ADGRB3: variants seen among roughly 807,000 people sequenced by gnomAD.
ADGRB3 encodes adhesion G protein-coupled receptor B3, also known as brain-specific angiogenesis inhibitor 3.
Under a neutral mutation model 193.4 loss-of-function variants are expected in ADGRB3, and 37 were observed. That is an observed-to-expected ratio of 0.19 (90% confidence interval 0.15 to 0.25). The LOEUF (loss-of-function observed/expected upper bound fraction) is 0.25. Ranked by LOEUF, ADGRB3 falls within the 10% of genes least tolerant of loss-of-function variation. The probability of loss-of-function intolerance (pLI) is 1.00; values close to 1 mark genes in which losing one functional copy is unlikely to be tolerated. For missense variants in ADGRB3, 1,637 were observed against 1,852.9 expected, an observed-to-expected ratio of 0.88 and a Z score of 2.14; for synonymous variants, 690 against 644.2, an observed-to-expected ratio of 1.07 and a Z score of -1.08.
At chr6:68,794,856 T>G (rs1378166402) in intron 3 of ADGRB3, among the ~76,000 whole-genome samples, 3 of 152,118 alleles carry the variant, frequency 2.0e-5, no homozygotes. Context: ...AGTTTAAAAG[T>G]TTCAGTACCA....
chr6:68,926,703 G>T (rs1325962993), intron 3 of ADGRB3, among the ~76,000 whole-genome samples: 1 of 152,090 alleles, frequency 6.6e-6, no homozygotes, highest in Non-Finnish European at 1.5e-5. Context: ...GTGCTTGTCT[G>T]TATGTTTAAA....
At chr6:69,194,798 T>C (rs1765264215) in intron 17 of ADGRB3, among the ~76,000 whole-genome samples, 2 of 152,066 alleles carry the variant, frequency 1.3e-5, no homozygotes, top group Admixed American at 6.6e-5. Flanking sequence ...GTGAACTTAT[T>C]GGCTGTGTGA....
At chr6:68,706,677 C>G (rs1582136757) in intron 3 of ADGRB3, among the ~76,000 whole-genome samples, 1 of 152,288 alleles carries the variant, frequency 6.6e-6, no homozygotes, top group Middle Eastern at 3.4e-3. Context: ...TAGTATGAGA[C>G]ATACAAGTTC....
intron 20 of ADGRB3, among the ~76,000 whole-genome samples, chr6:69,273,516 A>G (rs1378082554): frequency 6.6e-6 from 1 of 152,172 alleles, no homozygotes; most frequent in Non-Finnish European, 1.5e-5. Flanking sequence ...ACTCATGTCA[A>G]CAGTTAGGAC....
At chr6:68,720,965 A>G (rs1765565098) in intron 3 of ADGRB3, among the ~76,000 whole-genome samples, 1 of 151,690 alleles carries the variant, frequency 6.6e-6, no homozygotes, top group African/African-American at 2.4e-5. Flanking sequence ...TTGTTCTTCA[A>G]AATGGGCGAG....
chr6:69,070,299 G>A (rs1171462976), intron 16 of ADGRB3, among the ~76,000 whole-genome samples: 3 of 152,082 alleles, frequency 2.0e-5, no homozygotes, highest in Non-Finnish European at 4.4e-5. Flanking sequence ...AAAAAATAGA[G>A]TAACCACTTT....
chr6:68,650,595 A>G (rs1273941699), intron 3 of ADGRB3, among the ~76,000 whole-genome samples: 1 of 152,200 alleles, frequency 6.6e-6, no homozygotes, highest in Non-Finnish European at 1.5e-5. Context: ...AAATAAAAAT[A>G]GAATTTTGGT....
chr6:68,948,886 G>C (rs373375467), intron 6 of ADGRB3, among the ~76,000 whole-genome samples: 1 of 152,136 alleles, frequency 6.6e-6, no homozygotes, highest in East Asian at 1.9e-4. Flanking sequence ...AAAAAAAGTG[G>C]TGTGTTATTC....
chr6:69,226,880 A>C (rs578210433), intron 17 of ADGRB3, among the ~76,000 whole-genome samples: 15 of 152,320 alleles, frequency 9.8e-5, no homozygotes, highest in African/African-American at 3.4e-4. Flanking sequence ...CAAGATGATA[A>C]GAGTGGACAC....
intron 17 of ADGRB3, among the ~76,000 whole-genome samples, chr6:69,099,682 C>T (rs936283181): frequency 1.3e-5 from 2 of 152,148 alleles, no homozygotes; most frequent in African/African-American, 4.8e-5. Flanking sequence ...AATACATTTG[C>T]GTTTAACAAA....
At chr6:68,870,518 A>G (rs1233427667) in intron 3 of ADGRB3, among the ~76,000 whole-genome samples, 2 of 152,192 alleles carry the variant, frequency 1.3e-5, no homozygotes, top group Non-Finnish European at 2.9e-5. Flanking sequence ...TTTATTTACT[A>G]CCCTCATAGC....
intron 17 of ADGRB3, among the ~76,000 whole-genome samples, chr6:69,098,048 C>G (rs1772934771): frequency 6.6e-6 from 1 of 152,112 alleles, no homozygotes; most frequent in South Asian, 2.1e-4. Context: ...GACAAACTGC[C>G]TCAGCATTGC....
At chr6:68,732,580 T>C (rs1765794185) in intron 3 of ADGRB3, among the ~76,000 whole-genome samples, 1 of 151,862 alleles carries the variant, frequency 6.6e-6, no homozygotes, top group South Asian at 2.1e-4. Context: ...GTATGAAGAA[T>C]TGGAAAACGG....
chr6:69,075,702 T>C lies in ADGRB3; in HGVS notation c.2437-293T>C, dbSNP rs140257270. 3.2e-3 allele frequency among the ~76,000 whole-genome samples: 494 copies of C among 152,256 alleles called. 2 individuals carry two copies. The highest frequency in any genetic ancestry group is 0.012 in the African/African-American group (478 of 41,554). On this transcript the variant is annotated intron_variant, in intron 16 of 31. Transcript: ENST00000370598. ...AGACATAAGTATAAAATCAAAATCG[T>C]CAAAATATGGACTTATGGTGTATGA...
chr6:68,689,687 T>TA (rs1441350735), intron 3 of ADGRB3, among the ~76,000 whole-genome samples: 4 of 151,974 alleles, frequency 2.6e-5, no homozygotes, highest in African/African-American at 7.3e-5. Flanking sequence ...TTGTTTTTTT[T>TA]ATGATGAACC....
At chr6:68,783,202 A>T (rs1766892458) in intron 3 of ADGRB3, among the ~76,000 whole-genome samples, 2 of 150,774 alleles carry the variant, frequency 1.3e-5, no homozygotes, top group African/African-American at 4.9e-5. Flanking sequence ...TATAGTGCCC[A>T]CGGTGACAAG....
intron 3 of ADGRB3, among the ~76,000 whole-genome samples, chr6:68,867,826 G>A (rs985325833): frequency 2.0e-5 from 3 of 152,178 alleles, no homozygotes; most frequent in African/African-American, 7.2e-5. Context: ...AGACTTGCAA[G>A]GGGCCTGTAG....
chr6:69,216,117 C>T (rs184951731), intron 17 of ADGRB3, among the ~76,000 whole-genome samples: 5 of 152,224 alleles, frequency 3.3e-5, no homozygotes, highest in Admixed American at 6.5e-5. Flanking sequence ...GGCAGAGTAT[C>T]ATTTTCACCT....
rs145074890 is a variant in ADGRB3, at chr6:69,091,490, G to A, written c.2480+15452G>A. 4.8e-3 allele frequency among the ~76,000 whole-genome samples: 727 copies of A among 152,222 alleles called. 3 individuals are homozygous for A. The highest frequency in any genetic ancestry group is 8.1e-3 in the Admixed American group (124 of 15,274). The stretch of plus-strand genomic sequence containing the variant: ...AAGAATGAGATCATGTTCTTTGCAG[G>A]GACATGGATGGAGCTGGAGGCCATT... On this transcript the variant is annotated intron_variant, in intron 17 of 31. Coordinates refer to ENST00000370598, the MANE Select transcript of ADGRB3 (RefSeq NM_001704.3).
Sources: allele counts gnomAD v4.1 joint callset (sites outside exome capture counted in the v4.1 genomes callset), GRCh38; gene constraint gnomAD v4.1.1; transcripts MANE v1.5; gene names NCBI Gene and HGNC (gene_info 2026-07-23, HGNC 2026-07-21).